The following RANBP17 variants were observed in gnomAD, a reference collection of about 807,000 sequenced individuals.
RANBP17 encodes the protein RAN binding protein 17, also known as ran-binding protein 17.
In RANBP17, 158 loss-of-function variants were observed where a neutral mutation model predicts 141.2. That is an observed-to-expected ratio of 1.12 (90% CI 0.98 to 1.28). The LOEUF is 1.28. Ranked by LOEUF, RANBP17 falls within the 50% of genes most tolerant of loss-of-function variation. The pLI, the probability that RANBP17 is intolerant of heterozygous loss-of-function variation, is 0.00. For synonymous variants in RANBP17, 430 were observed against 450.0 expected (o/e 0.96, Z 0.56); for missense variants, 1,438 against 1,290.7 (o/e 1.11, Z -1.75).
intron 5 of RANBP17, among the ~76,000 whole-genome samples, chr5:170,900,700 T>G (rs1770561991): frequency 6.6e-6 from 1 of 152,218 alleles, no homozygotes; most frequent in Non-Finnish European, 1.5e-5. Flanking sequence ...TCCCAGAGAT[T>G]CTGATACATT....
intron 14 of RANBP17, among the ~76,000 whole-genome samples, chr5:170,971,593 G>C (rs959121926): frequency 2.0e-5 from 3 of 152,102 alleles, no homozygotes; most frequent in African/African-American, 7.2e-5. Context: ...TTTCCAAAAA[G>C]GAACTCACTA....
chr5:171,285,223 C>A (rs1768096806), intron 25 of RANBP17, among the ~76,000 whole-genome samples: 1 of 152,164 alleles, frequency 6.6e-6, no homozygotes, highest in Admixed American at 6.5e-5. Flanking sequence ...TGAAGATAGG[C>A]TGGTCTTTTT....
intron 22 of RANBP17, among the ~76,000 whole-genome samples, chr5:171,240,615 A>G (rs1044738766): frequency 1.3e-5 from 2 of 151,534 alleles, no homozygotes; most frequent in African/African-American, 4.8e-5. Flanking sequence ...ACATAGAGTA[A>G]AATGAATAGT....
intron 14 of RANBP17, among the ~76,000 whole-genome samples, chr5:171,067,747 CCTG>C (rs1421042817): frequency 1.3e-5 from 2 of 151,990 alleles, no homozygotes; most frequent in Non-Finnish European, 2.9e-5. Context: ...TGATGAGAAA[CCTG>C]CTGTTAGTCT....
chr5:170,913,995 CTG>C (rs1248048179), intron 7 of RANBP17, among the ~76,000 whole-genome samples, 170 bp from the exon 8 acceptor site: 1 of 152,032 alleles, frequency 6.6e-6, no homozygotes, highest in Non-Finnish European at 1.5e-5. Flanking sequence ...TAATTTCTCT[CTG>C]TATTATTTCA....
intron 14 of RANBP17, among the ~76,000 whole-genome samples, chr5:171,090,664 A>G (rs376932904): frequency 4.1e-5 from 6 of 146,422 alleles, no homozygotes; most frequent in Non-Finnish European, 9.1e-5. Flanking sequence ...AAAAAAAAAA[A>G]TGGTTTCATG....
At chr5:171,119,442 A>G (rs1024984878) in intron 14 of RANBP17, among the ~76,000 whole-genome samples, 2 of 152,202 alleles carry the variant, frequency 1.3e-5, no homozygotes, top group East Asian at 3.8e-4. Flanking sequence ...AAGACTTGGT[A>G]TTCATTCTTC....
At chr5:171,215,603 G>T (rs934620637) in intron 21 of RANBP17, among the ~76,000 whole-genome samples, 6 of 152,128 alleles carry the variant, frequency 3.9e-5, no homozygotes, top group South Asian at 2.1e-4. Context: ...ATTCTAATGG[G>T]CATGAGATGG....
chr5:171,213,845 G>A (rs1385407754), intron 21 of RANBP17, 107 bp downstream of exon 21: 2 of 830,814 alleles, frequency 2.4e-6, no homozygotes, highest in African/African-American at 3.4e-5. Flanking sequence ...GTTAGCAAGA[G>A]CCCAGGAACC....
Position 170,928,206 on chromosome 5 carries a change from T to G in RANBP17, c.1468+3656T>G, listed in dbSNP as rs544690694. On this transcript the variant is annotated intron_variant, in intron 12 of 27. Coordinates refer to ENST00000523189, the MANE Select transcript of RANBP17 (RefSeq NM_022897.5). Reference sequence around the variant, plus strand: ...TTTTAAATTGGATTGTTGGCTCTTTTGTATGTGTTAGGGAATTGCAAGAGT... The same window carrying G: ...TTTTAAATTGGATTGTTGGCTCTTTGGTATGTGTTAGGGAATTGCAAGAGT... 1.1e-4 allele frequency among the ~76,000 whole-genome samples: 16 copies of G among 152,246 alleles called. No individual in the cohort carries two copies. In the South Asian group the frequency reaches 3.3e-3, roughly 32 times the overall value.
chr5:171,192,465 T>C (rs898196347), intron 18 of RANBP17, among the ~76,000 whole-genome samples: 1 of 152,124 alleles, frequency 6.6e-6, no homozygotes, highest in Non-Finnish European at 1.5e-5. Flanking sequence ...GTAGCTATAG[T>C]CTGCAGTGGG....
At chr5:170,918,296 G>A (rs1488988228) in intron 9 of RANBP17, 1 of 152,248 alleles carries the variant, frequency 6.6e-6, no homozygotes, top group Non-Finnish European at 1.5e-5. Context: ...TGTTATTTGT[G>A]TGCTCATACA....
At chr5:171,280,700 T>C (rs1767803144) in intron 25 of RANBP17, among the ~76,000 whole-genome samples, 1 of 152,214 alleles carries the variant, frequency 6.6e-6, no homozygotes, top group Non-Finnish European at 1.5e-5. Flanking sequence ...AAAAAGAGGT[T>C]CCCTCATCCT....
At chr5:171,041,011 G>A (rs1474287814) in intron 14 of RANBP17, among the ~76,000 whole-genome samples, 1 of 152,088 alleles carries the variant, frequency 6.6e-6, no homozygotes, top group Non-Finnish European at 1.5e-5. Flanking sequence ...CTTGACTGGG[G>A]TTGGAAGGTC....
chr5:171,030,982 C>T (rs546687074), intron 14 of RANBP17, among the ~76,000 whole-genome samples: 1 of 151,902 alleles, frequency 6.6e-6, no homozygotes, highest in South Asian at 2.1e-4. Flanking sequence ...TTTTTGTAAC[C>T]AGTAGTTTTT....
At chr5:171,271,819 A>G (rs536684840) in intron 25 of RANBP17, among the ~76,000 whole-genome samples, 16 of 152,358 alleles carry the variant, frequency 1.1e-4, no homozygotes, top group African/African-American at 3.8e-4. Flanking sequence ...ATTTTTGCAC[A>G]TGGTGCTACA....
At chr5:170,994,283 T>G (rs2127568596) in intron 14 of RANBP17, among the ~76,000 whole-genome samples, 1 of 152,150 alleles carries the variant, frequency 6.6e-6, no homozygotes, top group South Asian at 2.1e-4. Context: ...TTTGAATTGG[T>G]AGAAAATTAG....
chr5:170,907,987 C>G (rs1178959519), intron 5 of RANBP17, among the ~76,000 whole-genome samples: 1 of 151,886 alleles, frequency 6.6e-6, no homozygotes, highest in African/African-American at 2.4e-5. Context: ...CATTTCACAC[C>G]AGTCAGAATG....
chr5:170,898,454 A>C (rs1770329579), intron 5 of RANBP17, among the ~76,000 whole-genome samples: 1 of 152,110 alleles, frequency 6.6e-6, no homozygotes, highest in Admixed American at 6.5e-5. Context: ...AGATTGCAAA[A>C]ATTTTCTCCC....
Sources: gnomAD v4.1 joint callset for allele counts (sites outside exome capture counted in the v4.1 genomes callset) on GRCh38, gnomAD v4.1.1 for gene constraint, MANE v1.5 for transcripts, NCBI Gene and HGNC (gene_info 2026-07-23, HGNC 2026-07-21) for gene names.